Variants in SAMD8 observed in about 807,000 individuals in gnomAD.
SAMD8 encodes the protein sterile alpha motif domain containing 8.
SAMD8 carries 20 observed loss-of-function variants against 42.0 expected under a neutral mutation model. That is an observed-to-expected ratio of 0.48 (90% confidence interval 0.34 to 0.69). The LOEUF (loss-of-function observed/expected upper bound fraction) is 0.69. Among genes scored for constraint, SAMD8 ranks in the 30% least tolerant of loss-of-function variants. The pLI, the probability that SAMD8 is intolerant of heterozygous loss-of-function variation, is 0.01. For synonymous variants in SAMD8, 162 were observed against 173.0 expected (o/e 0.94, Z 0.50); for missense variants, 328 against 511.6 (o/e 0.64, Z 3.46).
At chr10:75,164,313 C>G (rs1390402492) in intron 2 of SAMD8, 1 of 155,104 alleles carries the variant, frequency 6.4e-6, no homozygotes, top group Non-Finnish European at 1.4e-5. Flanking sequence ...GGGCCTTTCT[C>G]CCATTGTCCT....
In SAMD8 at chr10:75,172,460, G is replaced by A. The variant is rs1044320926; in HGVS notation, c.793-3606G>A. On this transcript the variant is annotated intron_variant, in intron 4 of 5. Transcript: ENST00000542569. ...GGCAGTCCTCCTGCATCAGCCTTCT[G>A]AGTAGCTGGGACCACAGGCACACGC... Among the ~76,000 whole-genome samples, 17 of 151,518 alleles carry A rather than the reference G, an allele frequency of 1.1e-4. No homozygotes were observed. In the South Asian group the frequency reaches 1.3e-3, roughly 11 times the overall value.
At chr10:75,164,853 G>T in intron 3 of SAMD8, 113 bp downstream of exon 3, 1 of 766,194 alleles carries the variant, frequency 1.3e-6, no homozygotes, top group Non-Finnish European at 2.2e-6. Flanking sequence ...TCTGGTCATT[G>T]TGACATAGTT....
rs1347542079 is a variant in SAMD8 at position 75,137,778 on chromosome 10, A to G, written c.-15-12736A>G. Among the ~76,000 whole-genome samples the G allele has an allele frequency of 3.9e-5, 6 of 152,298 alleles. No homozygotes were observed. The East Asian group carries it at 1.2e-3, about 29-fold the overall frequency. ...GGGTTTTTGCTTGGAGTGATGATGA[A>G]GTTCTGAAGTTGGATGGTGGTAATT... On this transcript the variant is annotated intron_variant, in intron 1 of 5. Transcript: ENST00000542569.
intron 2 of SAMD8, among the ~76,000 whole-genome samples, chr10:75,158,226 C>CA (rs1052676153): frequency 2.0e-5 from 3 of 151,426 alleles, no homozygotes; most frequent in Non-Finnish European, 2.9e-5. Context: ...AAAAAACAAG[C>CA]AAAAAATAAA....
upstream of SAMD8, chr10:75,108,279 C>G (rs1484668352): frequency 1.3e-6 from 2 of 1,521,922 alleles, no homozygotes; most frequent in Admixed American, 2.1e-5. Context: ...GTGCCTGGCC[C>G]CCTGCTGCAG....
rs1409373108 is a variant in SAMD8 at position 75,099,994 on chromosome 10, C to G, written c.-16+266C>G. Among the ~76,000 whole-genome samples, 6 of 152,190 alleles carry G rather than the reference C, an allele frequency of 3.9e-5. No individual in the cohort carries two copies. The East Asian group carries it at 1.2e-3, about 30-fold the overall frequency. On this transcript the variant is annotated intron_variant, in intron 1 of 3. Coordinates refer to the SAMD8 transcript ENST00000447533. The stretch of plus-strand genomic sequence containing the variant: ...GAAGCCCCCAGGACCCAGAGGAGTC[C>G]AACAGCCACACTGGTCTGGAGCCAT...
chr10:75,170,806 C>T (rs567236158), intron 4 of SAMD8, among the ~76,000 whole-genome samples: 50 of 120,744 alleles, frequency 4.1e-4, no homozygotes, highest in African/African-American at 1.5e-3. Context: ...TGGAGTCTTT[C>T]CCAGTCGCCC....
chr10:75,171,841 A>G (rs1840874875), intron 4 of SAMD8, among the ~76,000 whole-genome samples: 1 of 152,264 alleles, frequency 6.6e-6, no homozygotes, highest in Middle Eastern at 3.4e-3. Flanking sequence ...GCTGGCCAAC[A>G]TGATGAAACC....
intron 2 of SAMD8, among the ~76,000 whole-genome samples, chr10:75,161,747 G>T (rs1164910197): frequency 2.0e-5 from 3 of 152,068 alleles, no homozygotes; most frequent in Non-Finnish European, 4.4e-5. Flanking sequence ...GGGGCTGGGC[G>T]TGGTGGTTTA....
At chr10:75,108,192 C>T (rs1476389248), upstream of SAMD8, 4 of 1,605,976 alleles carry the variant, frequency 2.5e-6, no homozygotes, top group African/African-American at 2.7e-5. Flanking sequence ...CAGCTCAAAG[C>T]GGTTGTTTGC....
chr10:75,121,984 G>A (rs1849015362), intron 1 of SAMD8, among the ~76,000 whole-genome samples: 1 of 152,280 alleles, frequency 6.6e-6, no homozygotes, highest in African/African-American at 2.4e-5. Context: ...AAGCCACCAT[G>A]CCCAGCGACT....
intron 2 of SAMD8, among the ~76,000 whole-genome samples, chr10:75,160,362 A>T (rs1840528997): frequency 1.4e-5 from 2 of 139,512 alleles, no homozygotes; most frequent in Admixed American, 1.5e-4. Flanking sequence ...ACGCCAGGCT[A>T]ATTTTTTTTT....
chr10:75,172,115 T>C (rs1315571846), intron 4 of SAMD8, among the ~76,000 whole-genome samples: 1 of 152,144 alleles, frequency 6.6e-6, no homozygotes, highest in Non-Finnish European at 1.5e-5. Flanking sequence ...GCGTGTCAGC[T>C]TTCTCACCCT....
At chr10:75,157,238 A>G (rs964936726) in intron 2 of SAMD8, among the ~76,000 whole-genome samples, 1 of 151,210 alleles carries the variant, frequency 6.6e-6, no homozygotes, top group African/African-American at 2.4e-5. Context: ...TGAGGGGGAG[A>G]GAGAGAGAGA....
upstream of SAMD8, among the ~76,000 whole-genome samples, chr10:75,106,674 G>A (rs926539076): frequency 3.9e-5 from 6 of 152,148 alleles, no homozygotes; most frequent in Admixed American, 6.5e-5. Flanking sequence ...TATACTATTC[G>A]CAATTTGGCT....
intron 1 of SAMD8, among the ~76,000 whole-genome samples, chr10:75,136,895 GCTA>G (rs1003826772): frequency 6.6e-6 from 1 of 152,078 alleles, no homozygotes; most frequent in African/African-American, 2.4e-5. Flanking sequence ...TCATAAAATG[GCTA>G]CTATTAAGAA....
chr10:75,107,046 A>G (rs80111837), upstream of SAMD8, among the ~76,000 whole-genome samples: 477 of 152,278 alleles, frequency 3.1e-3, 2 homozygotes, highest in African/African-American at 0.011. Flanking sequence ...AGTTAAAAGT[A>G]CTTTGGGGGC....
chr10:75,101,228 T>C (rs1319116413), intron 1 of SAMD8, among the ~76,000 whole-genome samples: 2 of 152,176 alleles, frequency 1.3e-5, no homozygotes, highest in East Asian at 3.8e-4. Flanking sequence ...TGTGGTCTTG[T>C]CTTCACCAAG....
chr10:75,135,071 C>CA (rs553660836), intron 1 of SAMD8, among the ~76,000 whole-genome samples: 31 of 151,472 alleles, frequency 2.0e-4, no homozygotes, highest in South Asian at 1.0e-3. Context: ...TAGAAAAAAA[C>CA]AAAAAACAAA....
Sources: gnomAD v4.1 joint callset for allele counts (sites outside exome capture counted in the v4.1 genomes callset) on GRCh38, gnomAD v4.1.1 for gene constraint, MANE v1.5 for transcripts, NCBI Gene and HGNC (gene_info 2026-07-23, HGNC 2026-07-21) for gene names.